The following OPRM1 variants were observed in gnomAD, a reference collection of about 807,000 sequenced individuals.
OPRM1 encodes opioid receptor mu 1.
OPRM1 carries 27 observed loss-of-function variants against 31.8 expected under a neutral mutation model. The observed-to-expected ratio is 0.85, with a 90% CI of 0.63 to 1.17. The LOEUF is 1.17. Among genes scored for constraint, OPRM1 ranks in the 50% most tolerant of loss-of-function variants. The pLI, the probability that OPRM1 is intolerant of heterozygous loss-of-function variation, is 0.00. For missense variants in OPRM1, 536 were observed against 511.1 expected (o/e 1.05, Z -0.47); for synonymous variants, 196 against 189.9 (o/e 1.03, Z -0.26).
chr6:154,010,831 T>C, exon 1 of OPRM1: 1 of 1,368,706 alleles, frequency 7.3e-7, no homozygotes, highest in South Asian at 1.5e-5. Flanking sequence ...GGCTCCTGCT[T>C]TTCCTGTAAT....
In OPRM1 at chr6:154,091,104, A is replaced by G. The variant is rs1792047615; in HGVS notation, c.796A>G (p.Met266Val). 2 of 1,614,196 alleles carry G rather than the reference A, an allele frequency of 1.2e-6. No individual in the cohort carries two copies. The highest frequency in any genetic ancestry group is 1.7e-6 in the Non-Finnish European group (2 of 1,180,028). Reference protein sequence around the residue: ...LMILRLKSVRMLSGSKEKDRN... With the variant: ...LMILRLKSVRVLSGSKEKDRN... ...GATCTTGCGCCTCAAGAGTGTCCGC[A>G]TGCTCTCTGGCTCCAAAGAAAAGGA... Residue 266 changes from methionine (M) to valine (V), a missense_variant, in exon 3 of 4, where the codon ATG (methionine) becomes GTG (valine). Coordinates refer to ENST00000330432, the MANE Select transcript of OPRM1 (RefSeq NM_000914.5).
At chr6:154,240,658 A>AT (rs1361378801) in intron 3 of OPRM1, among the ~76,000 whole-genome samples, 10 of 152,228 alleles carry the variant, frequency 6.6e-5, no homozygotes, top group African/African-American at 2.4e-4. Flanking sequence ...GATCTTCACT[A>AT]TAGAGATTCT....
chr6:154,180,386 C>CTATATATA (rs58975780), intron 3 of OPRM1, among the ~76,000 whole-genome samples: 84 of 88,272 alleles, frequency 9.5e-4, no homozygotes, highest in South Asian at 6.2e-3. Context: ...ACAACAACAA[C>CTATATATA]TATATATATA....
intron 3 of OPRM1, among the ~76,000 whole-genome samples, chr6:154,186,197 C>T (rs1801328298): frequency 6.6e-6 from 1 of 152,218 alleles, no homozygotes; most frequent in African/African-American, 2.4e-5. Context: ...ACTTCTCTAC[C>T]TGGATTTCTG....
At chr6:154,152,315 GAAAGAAAGAAAGAAAGAAAGAAA>G (rs1210404334) in intron 3 of OPRM1, among the ~76,000 whole-genome samples, 4 of 56,986 alleles carry the variant, frequency 7.0e-5, no homozygotes, top group African/African-American at 2.5e-4. Flanking sequence ...AAGAAAGAAA[GAAAGAAAGAAAGAAAGAAAGAAA>G]GAAAGAAAGG....
At chr6:154,023,115 C>T (rs1489505382) in intron 1 of OPRM1, among the ~76,000 whole-genome samples, 1 of 152,182 alleles carries the variant, frequency 6.6e-6, no homozygotes, top group Non-Finnish European at 1.5e-5. Flanking sequence ...ATGGAAATTA[C>T]ATTAAATTTG....
intron 1 of OPRM1, among the ~76,000 whole-genome samples, chr6:154,029,271 T>A (rs1286179118): frequency 6.6e-6 from 1 of 151,644 alleles, no homozygotes; most frequent in African/African-American, 2.4e-5. Flanking sequence ...ATTAAATGTT[T>A]CCTTTAAAAA....
At chr6:154,010,812 A>G (rs1296170445) in exon 1 of OPRM1, 1 of 1,397,572 alleles carries the variant, frequency 7.2e-7, no homozygotes, top group African/African-American at 1.5e-5. Flanking sequence ...CTCTGAGATG[A>G]TAGAAAAGGG....
chr6:154,101,285 G>A (rs1027516190), intron 3 of OPRM1, among the ~76,000 whole-genome samples: 8 of 151,888 alleles, frequency 5.3e-5, no homozygotes, highest in African/African-American at 1.9e-4. Flanking sequence ...TATTATATTA[G>A]CTAAGGTGTT....
At chr6:154,019,621 G>A (rs1778228516) in intron 1 of OPRM1, among the ~76,000 whole-genome samples, 1 of 151,972 alleles carries the variant, frequency 6.6e-6, no homozygotes, top group South Asian at 2.1e-4. Flanking sequence ...GTCTTTTCCA[G>A]AATGTCATAT....
intron 3 of OPRM1, among the ~76,000 whole-genome samples, chr6:154,217,863 C>G (rs980780215): frequency 6.6e-6 from 1 of 152,042 alleles, no homozygotes; most frequent in Non-Finnish European, 1.5e-5. Context: ...GTGTCTGAAA[C>G]AAGAAAAGGC....
chr6:154,232,311 C>A (rs1010911147), intron 3 of OPRM1, among the ~76,000 whole-genome samples: 1 of 152,142 alleles, frequency 6.6e-6, no homozygotes, highest in African/African-American at 2.4e-5. Flanking sequence ...CAGAAGCAGG[C>A]CTGGTAGGGA....
At chr6:154,219,129 G>A (rs1235952548) in intron 3 of OPRM1, 1 of 152,236 alleles carries the variant, frequency 6.6e-6, no homozygotes, top group African/African-American at 2.4e-5. Context: ...GGGCGGTGAG[G>A]AGGGGGATCT....
At chr6:154,203,886 C>A (rs896969329) in intron 3 of OPRM1, among the ~76,000 whole-genome samples, 5 of 152,136 alleles carry the variant, frequency 3.3e-5, no homozygotes, top group Non-Finnish European at 7.4e-5. Flanking sequence ...TGAAATCCTC[C>A]ATAAAGTTGC....
At chr6:154,217,307 GGCCA>G (rs1373268113) in intron 3 of OPRM1, 1 of 152,922 alleles carries the variant, frequency 6.5e-6, no homozygotes, top group Non-Finnish European at 1.5e-5. Flanking sequence ...ACCCAAGATG[GGCCA>G]CTGTACTTTC....
rs1176145397 is a variant in OPRM1, at chr6:154,140,573, GC to G, written c.1164+49104del. Among the ~76,000 whole-genome samples the G allele has an allele frequency of 7.2e-5, 11 of 151,994 alleles. No homozygotes were observed. In the East Asian group the frequency reaches 2.1e-3, roughly 29 times the overall value. On this transcript the variant is annotated intron_variant, in intron 3 of 3. Transcript: ENST00000337049. ...TCAAATTCCTGACTTCAGGTGATCC[GC>G]CCGCCTCAACCTCCCAAAGTGCTGG...
intron 3 of OPRM1, among the ~76,000 whole-genome samples, chr6:154,111,239 A>G (rs549917583): frequency 6.6e-6 from 1 of 152,276 alleles, no homozygotes; most frequent in Non-Finnish European, 1.5e-5. Context: ...ATTTAGGTAC[A>G]TGGAGATCTT....
chr6:154,061,437 G>T lies in OPRM1; in HGVS notation c.290+21603G>T, dbSNP rs75213204. Among the ~76,000 whole-genome samples, 914 of 152,138 alleles carry T rather than the reference G, an allele frequency of 6.0e-3. 7 individuals carry two copies. The highest frequency in any genetic ancestry group is 0.021 in the African/African-American group (869 of 41,506). Reference sequence around the variant, plus strand: ...ACTGTAGAACCAGTGCCTATCATGTGCTTGGCAAAAATAAAAATAAGAGAG... The same window carrying T: ...ACTGTAGAACCAGTGCCTATCATGTTCTTGGCAAAAATAAAAATAAGAGAG... On this transcript the variant is annotated intron_variant, in intron 1 of 3. Transcript: ENST00000330432.
intron 1 of OPRM1, chr6:154,074,094 T>C (rs927363617): frequency 2.0e-5 from 3 of 152,200 alleles, no homozygotes; most frequent in Admixed American, 6.5e-5. Flanking sequence ...TAATAAGAGA[T>C]GGTTATTAAC....
Sources: allele counts gnomAD v4.1 joint callset (sites outside exome capture counted in the v4.1 genomes callset), GRCh38; gene constraint gnomAD v4.1.1; transcripts MANE v1.5; gene names NCBI Gene and HGNC (gene_info 2026-07-23, HGNC 2026-07-21).